KCNIP4: variants seen among roughly 807,000 people sequenced by gnomAD.
KCNIP4 encodes potassium voltage-gated channel interacting protein 4.
Under a neutral mutation model 34.0 loss-of-function variants are expected in KCNIP4, and 12 were observed. The ratio of observed to expected loss-of-function variants is 0.35; its 90% confidence interval spans 0.23 to 0.57. KCNIP4 has a LOEUF of 0.57. Among genes scored for constraint, KCNIP4 ranks in the 20% least tolerant of loss-of-function variants. The pLI is 0.83. For synonymous variants in KCNIP4, 124 were observed against 102.2 expected, an observed-to-expected ratio of 1.21 and a Z score of -1.29; for missense variants, 238 against 311.7, an observed-to-expected ratio of 0.76 and a Z score of 1.78.
intron 1 of KCNIP4, among the ~76,000 whole-genome samples, chr4:21,144,459 G>A (rs1189586788): frequency 6.6e-6 from 1 of 152,128 alleles, no homozygotes; most frequent in Non-Finnish European, 1.5e-5. Flanking sequence ...TTGTACATAA[G>A]CTCATCTATT....
At chr4:21,449,061 T>C (rs553885628) in intron 1 of KCNIP4, among the ~76,000 whole-genome samples, 1 of 152,288 alleles carries the variant, frequency 6.6e-6, no homozygotes, top group Non-Finnish European at 1.5e-5. Context: ...GTGGGCTTTG[T>C]GGTGTGGCAG....
intron 1 of KCNIP4, among the ~76,000 whole-genome samples, chr4:21,187,215 A>T (rs913041710): frequency 6.6e-6 from 1 of 152,146 alleles, no homozygotes; most frequent in African/African-American, 2.4e-5. Context: ...CAATCTCAAA[A>T]CCATGCCATG....
At chr4:20,971,877 CTCTCAAATCCTGCTGCTGCTT>C (rs1176470762) in intron 1 of KCNIP4, among the ~76,000 whole-genome samples, 1 of 152,184 alleles carries the variant, frequency 6.6e-6, no homozygotes, top group Non-Finnish European at 1.5e-5. Flanking sequence ...AGACTCAATC[CTCTCAAATCCTGCTGCTGCTT>C]TCTCAAATAA....
At position 21,476,591 on chromosome 4, in the gene KCNIP4, T is replaced by A. The variant is rs573913652; in HGVS notation, c.61+471980A>T. 1.4e-4 allele frequency among the ~76,000 whole-genome samples: 22 copies of A among 152,304 alleles called. No individual in the cohort carries two copies. In the East Asian group the frequency reaches 3.3e-3, roughly 23 times the overall value. On this transcript the variant is annotated intron_variant, in intron 1 of 8. Coordinates refer to ENST00000382152, the MANE Select transcript of KCNIP4 (RefSeq NM_025221.6). ...GTCCAGAACTGTGAGAATATAAATTTCTGTTATTTGAGCCACCTAGCCTGT... is the reference window on the plus strand; with the variant it reads ...GTCCAGAACTGTGAGAATATAAATTACTGTTATTTGAGCCACCTAGCCTGT...
chr4:21,868,028 C>G (rs1242269942), intron 1 of KCNIP4, among the ~76,000 whole-genome samples: 1 of 152,044 alleles, frequency 6.6e-6, no homozygotes, highest in Non-Finnish European at 1.5e-5. Context: ...CTTATCTAGC[C>G]AAAAATATTT....
chr4:21,149,530 C>G (rs1026312085), intron 1 of KCNIP4, among the ~76,000 whole-genome samples: 2 of 151,884 alleles, frequency 1.3e-5, no homozygotes, highest in African/African-American at 4.8e-5. Context: ...TCTAGGAGTT[C>G]CGAGAAGTTG....
chr4:21,919,828 G>A (rs373831684), intron 1 of KCNIP4, among the ~76,000 whole-genome samples: 5 of 152,110 alleles, frequency 3.3e-5, no homozygotes, highest in South Asian at 4.1e-4. Flanking sequence ...AGCAATCAAC[G>A]CAAGGATAAA....
At chr4:21,885,933 C>T (rs1331493442) in intron 1 of KCNIP4, among the ~76,000 whole-genome samples, 1 of 152,094 alleles carries the variant, frequency 6.6e-6, no homozygotes, top group Non-Finnish European at 1.5e-5. Flanking sequence ...GCAGATCTAT[C>T]GGCTTGTGTC....
intron 1 of KCNIP4, among the ~76,000 whole-genome samples, chr4:21,639,827 TA>T (rs1352190668): frequency 6.6e-6 from 1 of 152,258 alleles, no homozygotes; most frequent in Non-Finnish European, 1.5e-5. Context: ...TGGAACTGGG[TA>T]AAAAACTACA....
intron 1 of KCNIP4, among the ~76,000 whole-genome samples, chr4:20,939,350 C>A (rs540603936): frequency 6.6e-6 from 1 of 152,092 alleles, no homozygotes; most frequent in South Asian, 2.1e-4. Context: ...GTTAAACTTT[C>A]AGCCCATAAT....
At chr4:20,874,695 T>G (rs2149514303) in intron 2 of KCNIP4, among the ~76,000 whole-genome samples, 1 of 152,136 alleles carries the variant, frequency 6.6e-6, no homozygotes, top group South Asian at 2.1e-4. Flanking sequence ...TTTTTTTTTT[T>G]TTTAGTTTGG....
At chr4:21,819,589 A>C (rs1202063897) in intron 1 of KCNIP4, among the ~76,000 whole-genome samples, 1 of 152,180 alleles carries the variant, frequency 6.6e-6, no homozygotes, top group East Asian at 1.9e-4. Context: ...GATACTTAAC[A>C]CATGTTTATT....
rs796108643 is a variant in KCNIP4 at position 21,519,793 on chromosome 4, G to A, written c.61+428778C>T. Among the ~76,000 whole-genome samples the A allele has an allele frequency of 1.9e-3, 247 of 127,052 alleles. 2 individuals carry two copies. The highest frequency in any genetic ancestry group is 8.3e-3 in the South Asian group (30 of 3,632). 83.4% of individuals were successfully genotyped at this position (127,052 alleles called of 152,430 possible). Reference sequence around the variant, plus strand: ...TATACACACGTGTGTGTATGTGTGTGTATACACGTGTGTGTATGTGTGTGT... The same window carrying A: ...TATACACACGTGTGTGTATGTGTGTATATACACGTGTGTGTATGTGTGTGT... On this transcript the variant is annotated intron_variant, in intron 1 of 8. Coordinates refer to ENST00000382152, the MANE Select transcript of KCNIP4 (RefSeq NM_025221.6).
At chr4:21,845,132 A>G (rs1027188614) in intron 1 of KCNIP4, 18 of 151,974 alleles carry the variant, frequency 1.2e-4, no homozygotes, top group Admixed American at 1.2e-3. Context: ...CTTCCTTACA[A>G]CATTTCAAGT....
At chr4:21,198,860 G>A (rs762079368) in intron 1 of KCNIP4, among the ~76,000 whole-genome samples, 3 of 152,088 alleles carry the variant, frequency 2.0e-5, no homozygotes, top group Non-Finnish European at 4.4e-5. Context: ...TGGCTTTGGG[G>A]GACTGACATG....
At position 21,076,313 on chromosome 4, in the gene KCNIP4, G is replaced by T. The variant is rs147001881; in HGVS notation, c.62-193604C>A. ...TTATCAATATCCTCATCTCCCACAT[G>T]AATATTCTCTGACAGTTCCAGCCCA... On this transcript the variant is annotated intron_variant, in intron 1 of 8. Coordinates refer to ENST00000382152, the MANE Select transcript of KCNIP4 (RefSeq NM_025221.6). 1.0e-3 allele frequency among the ~76,000 whole-genome samples: 153 copies of T among 152,040 alleles called. 2 individuals are homozygous for T. Among genetic ancestry groups the T allele is most frequent in the African/African-American group, 3.0e-3 (125 of 41,514 alleles).
At chr4:20,756,236 A>G (rs1754427504) in intron 4 of KCNIP4, among the ~76,000 whole-genome samples, 1 of 151,928 alleles carries the variant, frequency 6.6e-6, no homozygotes, top group Non-Finnish European at 1.5e-5. Context: ...TAACAGAGAG[A>G]AACAGTTGTC....
chr4:20,963,151 T>C (rs551507084), intron 1 of KCNIP4, among the ~76,000 whole-genome samples: 68 of 151,470 alleles, frequency 4.5e-4, no homozygotes, highest in Admixed American at 9.2e-4. Context: ...TGAAACCCTG[T>C]CTTTACTAAA....
At chr4:21,602,979 C>T (rs984520820) in intron 1 of KCNIP4, among the ~76,000 whole-genome samples, 3 of 152,096 alleles carry the variant, frequency 2.0e-5, no homozygotes, top group Non-Finnish European at 2.9e-5. Context: ...TAAGTATTTG[C>T]TTGCATCTAC....
Sources: gnomAD v4.1 joint callset for allele counts (sites outside exome capture counted in the v4.1 genomes callset) on GRCh38, gnomAD v4.1.1 for gene constraint, MANE v1.5 for transcripts, NCBI Gene and HGNC (gene_info 2026-07-23, HGNC 2026-07-21) for gene names.